RNGTT: variants seen among roughly 807,000 people sequenced by gnomAD.
RNGTT encodes RNA guanylyltransferase and 5'-phosphatase, also known as mRNA-capping enzyme.
A neutral mutation model predicts 79.3 loss-of-function variants in RNGTT; 33 were observed. That is an observed-to-expected ratio of 0.42 (90% CI 0.32 to 0.56). RNGTT has a LOEUF of 0.56. RNGTT is among the 20% of genes least tolerant of loss of function. The pLI, the probability that RNGTT is intolerant of heterozygous loss-of-function variation, is 0.17. For missense variants in RNGTT, 497 were observed against 739.1 expected (o/e 0.67, Z 3.80); for synonymous variants, 222 against 235.9 (o/e 0.94, Z 0.54).
At chr6:88,874,450 G>A (rs893114367) in intron 8 of RNGTT, among the ~76,000 whole-genome samples, 2 of 152,054 alleles carry the variant, frequency 1.3e-5, no homozygotes, top group East Asian at 1.9e-4. Flanking sequence ...TCCCTGACTC[G>A]CTGATTACTT....
intron 13 of RNGTT, among the ~76,000 whole-genome samples, chr6:88,686,567 A>T (rs1190552150): frequency 6.6e-6 from 1 of 152,130 alleles, no homozygotes; most frequent in African/African-American, 2.4e-5. Context: ...TGATTGACGT[A>T]AGGACAAACA....
rs376330950 is a variant in RNGTT, at chr6:88,785,260, C to T, written c.1339-15386G>A. 7.9e-5 allele frequency among the ~76,000 whole-genome samples: 12 copies of T among 152,036 alleles called. No individual in the cohort carries two copies. The East Asian group carries it at 1.9e-3, about 24-fold the overall frequency. ...GAAGTCCTTATTTATATTTATTTCCCCTTTCTCTGCTACCAATATATCATC... is the reference window on the plus strand; with the variant it reads ...GAAGTCCTTATTTATATTTATTTCCTCTTTCTCTGCTACCAATATATCATC... On this transcript the variant is annotated intron_variant, in intron 12 of 15. Coordinates refer to ENST00000369485, the MANE Select transcript of RNGTT (RefSeq NM_003800.5).
intron 8 of RNGTT, among the ~76,000 whole-genome samples, chr6:88,881,003 C>T (rs532340634): frequency 6.6e-6 from 1 of 152,266 alleles, no homozygotes; most frequent in African/African-American, 2.4e-5. Flanking sequence ...AACATTATAT[C>T]ACTTTTCCTG....
At chr6:88,695,009 C>G (rs1276874257) in intron 13 of RNGTT, among the ~76,000 whole-genome samples, 1 of 151,926 alleles carries the variant, frequency 6.6e-6, no homozygotes, top group Non-Finnish European at 1.5e-5. Context: ...TTTGTTATAG[C>G]GCACAAACAA....
At chr6:88,649,661 C>G (rs960440390) in intron 14 of RNGTT, among the ~76,000 whole-genome samples, 2 of 151,870 alleles carry the variant, frequency 1.3e-5, no homozygotes, top group Admixed American at 6.6e-5. Context: ...CGCGCCACTG[C>G]ACTCCCGCCT....
At chr6:88,935,540 C>G (rs950052014) in intron 2 of RNGTT, among the ~76,000 whole-genome samples, 4 of 151,912 alleles carry the variant, frequency 2.6e-5, no homozygotes, top group African/African-American at 9.7e-5. Context: ...ACAGTGAAAC[C>G]CCATCTTTAA....
At chr6:88,896,394 C>T (rs1476807147) in intron 6 of RNGTT, among the ~76,000 whole-genome samples, 5 of 152,076 alleles carry the variant, frequency 3.3e-5, no homozygotes, top group African/African-American at 7.2e-5. Flanking sequence ...ATTGGGATTC[C>T]GAGACAAGCA....
intron 8 of RNGTT, among the ~76,000 whole-genome samples, chr6:88,879,346 A>C (rs529655967): frequency 3.0e-4 from 45 of 152,316 alleles, no homozygotes; most frequent in African/African-American, 1.0e-3. Context: ...GTGAGCTGAG[A>C]CCACGCCATT....
intron 14 of RNGTT, among the ~76,000 whole-genome samples, chr6:88,672,202 C>CATATAT (rs58845645): frequency 7.4e-6 from 1 of 135,410 alleles, no homozygotes; most frequent in Admixed American, 7.6e-5. Flanking sequence ...AATGTATATA[C>CATATAT]ATATATATAT....
At chr6:88,769,200 C>T (rs984004383) in intron 13 of RNGTT, among the ~76,000 whole-genome samples, 1 of 151,930 alleles carries the variant, frequency 6.6e-6, no homozygotes, top group Non-Finnish European at 1.5e-5. Context: ...ACTCTGTCAC[C>T]CAGGCTGGAG....
intron 14 of RNGTT, among the ~76,000 whole-genome samples, chr6:88,670,807 T>G (rs904506962): frequency 1.3e-5 from 2 of 151,594 alleles, no homozygotes; most frequent in Admixed American, 1.3e-4. Context: ...CTCAGAGTTG[T>G]AAGCTCTTAA....
At position 88,844,345 on chromosome 6, in the gene RNGTT, A is replaced by T. The variant is rs1454762252; in HGVS notation, c.1269+12T>A. 6.2e-7 allele frequency: 1 copy of T among 1,605,180 alleles called. No individual in the cohort carries two copies. The highest frequency in any genetic ancestry group is 8.5e-7 in the Non-Finnish European group (1 of 1,176,858). On this transcript the variant is annotated intron_variant, in intron 11 of 15. Transcript: ENST00000369485. Reference sequence around the variant, plus strand: ...ATTATTAGCACTAATTTAAAAAAAAATTAAACTTTACCTTTCTTGAAGTAC... The same window carrying T: ...ATTATTAGCACTAATTTAAAAAAAATTTAAACTTTACCTTTCTTGAAGTAC...
At chr6:88,768,444 G>C (rs943080632) in intron 13 of RNGTT, among the ~76,000 whole-genome samples, 3 of 152,054 alleles carry the variant, frequency 2.0e-5, no homozygotes, top group Admixed American at 6.6e-5. Flanking sequence ...GTTTGAAAAC[G>C]AATACCCACA....
intron 8 of RNGTT, among the ~76,000 whole-genome samples, chr6:88,885,121 C>T (rs1782815357): frequency 6.7e-6 from 1 of 150,112 alleles, no homozygotes. Flanking sequence ...TATATACTCA[C>T]ACACACACAC....
intron 13 of RNGTT, among the ~76,000 whole-genome samples, chr6:88,680,887 A>G (rs1775069116): frequency 6.6e-6 from 1 of 152,190 alleles, no homozygotes; most frequent in African/African-American, 2.4e-5. Flanking sequence ...AATTTGAAAC[A>G]TACTGTTGAT....
intron 13 of RNGTT, among the ~76,000 whole-genome samples, chr6:88,748,143 A>C (rs1777723857): frequency 6.6e-6 from 1 of 152,030 alleles, no homozygotes; most frequent in East Asian, 1.9e-4. Flanking sequence ...ACCCTTTCCT[A>C]TCCAAGAGGG....
intron 13 of RNGTT, among the ~76,000 whole-genome samples, chr6:88,741,528 C>T (rs1291462036): frequency 1.3e-5 from 2 of 152,110 alleles, no homozygotes; most frequent in African/African-American, 4.8e-5. Flanking sequence ...CAAACCTCAG[C>T]ATCACACAAT....
At chr6:88,854,441 T>A (rs1028255303) in intron 8 of RNGTT, among the ~76,000 whole-genome samples, 1 of 152,144 alleles carries the variant, frequency 6.6e-6, no homozygotes, top group African/African-American at 2.4e-5. Flanking sequence ...TAAATGTACT[T>A]TACTAGCTCA....
At chr6:88,732,656 G>C (rs1381670762) in intron 13 of RNGTT, among the ~76,000 whole-genome samples, 1 of 152,126 alleles carries the variant, frequency 6.6e-6, no homozygotes, top group Non-Finnish European at 1.5e-5. Context: ...AGATATAATT[G>C]AATATTATTT....
Sources: gnomAD v4.1 joint callset for allele counts (sites outside exome capture counted in the v4.1 genomes callset) on GRCh38, gnomAD v4.1.1 for gene constraint, MANE v1.5 for transcripts, NCBI Gene and HGNC (gene_info 2026-07-23, HGNC 2026-07-21) for gene names.